DDX10: variants seen among roughly 807,000 people sequenced by gnomAD.
The protein encoded by DDX10 is probable ATP-dependent RNA helicase DDX10.
DDX10 carries 74 observed loss-of-function variants against 104.3 expected under a neutral mutation model. The observed-to-expected ratio is 0.71, with a 90% CI of 0.59 to 0.86. The LOEUF (loss-of-function observed/expected upper bound fraction) is 0.86, where lower values mean the gene tolerates loss of function less well. Among genes scored for constraint, DDX10 ranks in the 40% least tolerant of loss-of-function variants. The probability of loss-of-function intolerance (pLI) is 0.00; values close to 1 mark genes in which losing one functional copy is unlikely to be tolerated. For synonymous variants in DDX10, 351 were observed against 353.4 expected (o/e 0.99, Z 0.08); for missense variants, 952 against 1,040.0 (o/e 0.92, Z 1.16).
intron 12 of DDX10, 53 bp from the exon 13 acceptor site, chr11:108,722,944 T>A (rs1312368217): frequency 3.9e-6 from 6 of 1,525,652 alleles, no homozygotes; most frequent in Non-Finnish European, 5.2e-6. Flanking sequence ...ATGACACCTA[T>A]AAACATATCA....
chr11:108,776,115 C>T (rs535357550), intron 13 of DDX10, among the ~76,000 whole-genome samples: 1 of 152,194 alleles, frequency 6.6e-6, no homozygotes, highest in African/African-American at 2.4e-5. Flanking sequence ...GAGAAACACT[C>T]TTCAGTCCTG....
At chr11:108,706,581 T>G (rs1241482943) in intron 9 of DDX10, among the ~76,000 whole-genome samples, 158 bp from the exon 10 acceptor site, 1 of 152,182 alleles carries the variant, frequency 6.6e-6, no homozygotes, top group Non-Finnish European at 1.5e-5. Context: ...ATATGAGGTG[T>G]TCAGAGCCCT....
chr11:108,836,400 G>A (rs1431508796), intron 13 of DDX10, among the ~76,000 whole-genome samples: 2 of 152,120 alleles, frequency 1.3e-5, no homozygotes, highest in Non-Finnish European at 1.5e-5. Context: ...TTTCATAACC[G>A]TGACCATTAT....
chr11:108,862,031 A>G (rs192604470), intron 16 of DDX10, among the ~76,000 whole-genome samples: 4 of 152,116 alleles, frequency 2.6e-5, no homozygotes, highest in East Asian at 1.9e-4. Context: ...CCTTTCATCA[A>G]TCTAATCAAC....
chr11:108,673,355 A>G (rs2094219553), intron 1 of DDX10, 112 bp from the exon 2 acceptor site: 2 of 712,500 alleles, frequency 2.8e-6, no homozygotes, highest in Non-Finnish European at 2.4e-6. Flanking sequence ...AGAAGCGATG[A>G]TTGAATTCAA....
chr11:108,940,183 C>G, intron 17 of DDX10, 63 bp from the exon 18 acceptor site: 1 of 1,511,204 alleles, frequency 6.6e-7, no homozygotes, highest in Non-Finnish European at 9.0e-7. Context: ...TTAATTTTGT[C>G]CTATTTTAAA....
intron 16 of DDX10, among the ~76,000 whole-genome samples, chr11:108,894,893 T>G (rs1436887631): frequency 6.6e-6 from 1 of 151,990 alleles, no homozygotes; most frequent in East Asian, 1.9e-4. Flanking sequence ...TATAAGTGAT[T>G]GCTTTTTTCC....
chr11:108,749,080 C>CTT (rs2094335285), intron 13 of DDX10, among the ~76,000 whole-genome samples: 1 of 151,482 alleles, frequency 6.6e-6, no homozygotes, highest in African/African-American at 2.4e-5. Context: ...TTCTCTCTCT[C>CTT]TCTCTCTATA....
chr11:108,892,158 G>C (rs558703378), intron 16 of DDX10, among the ~76,000 whole-genome samples: 2 of 152,262 alleles, frequency 1.3e-5, no homozygotes, highest in East Asian at 3.9e-4. Flanking sequence ...GGAGGTGTTT[G>C]GGTCTTGGGA....
Position 108,745,819 on chromosome 11 carries a change from A to G in DDX10, c.1965+22357A>G, listed in dbSNP as rs79367450. Among the ~76,000 whole-genome samples the G allele has an allele frequency of 5.4e-3, 819 of 152,302 alleles. 4 individuals carry two copies. Among genetic ancestry groups the G allele is most frequent in the Admixed American group, 0.013 (197 of 15,294 alleles). On this transcript the variant is annotated intron_variant, in intron 13 of 17. Coordinates refer to ENST00000322536, the MANE Select transcript of DDX10 (RefSeq NM_004398.4). ...TTCTAGACCTTGAGGACCTGATATG[A>G]CATAGGGTTAGATATGTTGAAAATT...
chr11:108,868,451 C>T (rs977833071), intron 16 of DDX10: 1 of 151,552 alleles, frequency 6.6e-6, no homozygotes, highest in African/African-American at 2.4e-5. Context: ...GTACATACAA[C>T]ATTAAAAGAA....
At chr11:108,798,683 G>A (rs11212782) in intron 13 of DDX10, among the ~76,000 whole-genome samples, 1 of 152,002 alleles carries the variant, frequency 6.6e-6, no homozygotes, top group Admixed American at 6.6e-5. Context: ...TTTATTTTTT[G>A]TTTTTAAGGG....
intron 9 of DDX10, among the ~76,000 whole-genome samples, chr11:108,703,585 C>T (rs955292313): frequency 1.2e-4 from 19 of 152,126 alleles, no homozygotes; most frequent in African/African-American, 4.3e-4. Flanking sequence ...GCCTCGGCCT[C>T]CCAAAGTGCT....
At chr11:108,789,578 C>T (rs1489760599) in intron 13 of DDX10, among the ~76,000 whole-genome samples, 2 of 152,166 alleles carry the variant, frequency 1.3e-5, no homozygotes, top group Non-Finnish European at 2.9e-5. Flanking sequence ...AAAGTGACAT[C>T]ATTCTTGTCT....
rs768867459 is a variant in DDX10, at chr11:108,675,673, G to T, written c.325G>T (p.Val109Leu). The T allele has an allele frequency of 6.2e-7, 1 of 1,614,072 alleles. No individual in the cohort carries two copies. The highest frequency in any genetic ancestry group is 8.5e-7 in the Non-Finnish European group (1 of 1,180,026). Residue 109 changes from valine (V) to leucine (L), a missense_variant, in exon 3 of 18, where the codon GTA (valine) becomes TTA (leucine). Transcript: ENST00000322536. ...TGGATTGGCTTTGCAAGGTAAAGAT[G>T]TACTTGGAGCGGCCAAAACTGGATC... Reference protein sequence around the residue: ...TIGLALQGKDVLGAAKTGSGK... With the variant: ...TIGLALQGKDLLGAAKTGSGK...
intron 16 of DDX10, among the ~76,000 whole-genome samples, chr11:108,862,458 T>G (rs1464689050): frequency 1.3e-5 from 2 of 152,234 alleles, no homozygotes; most frequent in African/African-American, 2.4e-5. Flanking sequence ...ATTAGGAGCC[T>G]TAGTCCCTGG....
At chr11:108,703,379 G>A (rs777117528) in intron 9 of DDX10, among the ~76,000 whole-genome samples, 184 of 151,842 alleles carry the variant, frequency 1.2e-3, no homozygotes, top group Non-Finnish European at 1.9e-3. Context: ...CTCCAGGCTG[G>A]AGTGCAGTGG....
intron 13 of DDX10, among the ~76,000 whole-genome samples, chr11:108,804,821 GC>G (rs1862075416): frequency 6.6e-6 from 1 of 152,194 alleles, no homozygotes; most frequent in South Asian, 2.1e-4. Context: ...AATGGCCCCT[GC>G]ACCAATTCTT....
At chr11:108,859,218 G>C (rs988158010) in intron 16 of DDX10, among the ~76,000 whole-genome samples, 9 of 152,198 alleles carry the variant, frequency 5.9e-5, no homozygotes, top group Non-Finnish European at 1.3e-4. Context: ...CTGAGAATAA[G>C]AGGAAATTTT....
Sources: allele counts gnomAD v4.1 joint callset (sites outside exome capture counted in the v4.1 genomes callset), GRCh38; gene constraint gnomAD v4.1.1; transcripts MANE v1.5; gene names NCBI Gene and HGNC (gene_info 2026-07-23, HGNC 2026-07-21).